Variants in NR5A2 observed in about 807,000 individuals in gnomAD.
NR5A2 encodes CYP7A promoter-binding factor.
Under a neutral mutation model 62.7 loss-of-function variants are expected in NR5A2, and 26 were observed. The ratio of observed to expected loss-of-function variants is 0.41; its 90% CI spans 0.30 to 0.58. The LOEUF (loss-of-function observed/expected upper bound fraction) is 0.58. NR5A2 is among the 20% of genes least tolerant of loss of function. The pLI, the probability that NR5A2 is intolerant of heterozygous loss-of-function variation, is 0.22. For missense variants in NR5A2, 541 were observed against 669.1 expected (o/e 0.81, Z 2.11); for synonymous variants, 246 against 241.7 (o/e 1.02, Z -0.16).
chr1:200,147,735 G>A lies in NR5A2; in HGVS notation c.1379-26228G>A. 1.0e-5 allele frequency: 6 copies of A among 585,554 alleles called. No individual in the cohort carries two copies. The highest frequency in any genetic ancestry group is 7.5e-5 in the Admixed American group (3 of 39,848). The allele number at this position is 585,554 out of a possible 1,614,324, so 36.3% of individuals were successfully genotyped here. A position where few individuals can be genotyped will look rare whatever the true frequency, so the allele number is the denominator to read the frequency against. On this transcript the variant is annotated intron_variant, in intron 7 of 7. Transcript: ENST00000367362. The surrounding 1 kb of genome is among the most constrained non-coding windows in gnomAD (Gnocchi z 4.9). ...GCTCCTCCCTGAGCGCCTCTCCCAC[G>A]TCCACGGTGAAGACGCGGATGCCGG...
intron 7 of NR5A2, chr1:200,148,325 A>T (rs72740851): frequency 0.13 from 22,665 of 173,122 alleles, 1,714 homozygotes; most frequent in African/African-American, 0.19. Flanking sequence ...CATTTAGGCC[A>T]AGAAAGACGC....
intron 5 of NR5A2, among the ~76,000 whole-genome samples, chr1:200,101,156 A>C (rs1665347008): frequency 6.6e-6 from 1 of 152,188 alleles, no homozygotes; most frequent in Non-Finnish European, 1.5e-5. Flanking sequence ...ACAGAGTGTA[A>C]TACTTTGTAT....
chr1:200,043,044 CTG>C, intron 2 of NR5A2: 1 of 970,532 alleles, frequency 1.0e-6, no homozygotes. Context: ...CAAAACCCTT[CTG>C]TGTGTCTTTT....
intron 7 of NR5A2, among the ~76,000 whole-genome samples, chr1:200,163,811 A>G (rs575794482): frequency 6.6e-6 from 1 of 152,252 alleles, no homozygotes; most frequent in East Asian, 1.9e-4. Context: ...AAATGTATGC[A>G]TAATGTAAGG....
At chr1:200,038,824 G>GAGGGGGTGAGGCGGGGTGA in intron 1 of NR5A2, 1 of 1,193,320 alleles carries the variant, frequency 8.4e-7, no homozygotes, top group Admixed American at 2.5e-5. Flanking sequence ...GGTGGGGTGG[G>GAGGGGGTGAGGCGGGGTGA]AGGGGGTGAG....
At chr1:200,119,716 TC>T (rs1357796972) in intron 6 of NR5A2, among the ~76,000 whole-genome samples, 4 of 152,114 alleles carry the variant, frequency 2.6e-5, no homozygotes, top group Non-Finnish European at 5.9e-5. Flanking sequence ...AACCTCCGCC[TC>T]CCAGGTTCAA....
At chr1:200,084,851 A>T (rs1320316019) in intron 5 of NR5A2, among the ~76,000 whole-genome samples, 1 of 152,228 alleles carries the variant, frequency 6.6e-6, no homozygotes, top group East Asian at 1.9e-4. Context: ...AAACAAATAC[A>T]TTTATCAAAG....
At chr1:200,028,168 A>G (rs919095681) in intron 1 of NR5A2, among the ~76,000 whole-genome samples, 3 of 152,206 alleles carry the variant, frequency 2.0e-5, no homozygotes, top group African/African-American at 7.2e-5. Flanking sequence ...CTAATCAGCC[A>G]GAAAATATAA....
At chr1:200,163,257 G>A (rs1395742802) in intron 7 of NR5A2, among the ~76,000 whole-genome samples, 1 of 127,812 alleles carries the variant, frequency 7.8e-6, no homozygotes. Flanking sequence ...ATAGCAGCAT[G>A]TCAAAGGCAA....
chr1:200,106,061 C>CCTCTGTTTTTTTT (rs373033375), intron 5 of NR5A2, among the ~76,000 whole-genome samples: 1 of 115,058 alleles, frequency 8.7e-6, no homozygotes. Flanking sequence ...CAGATTCACT[C>CCTCTGTTTTTTTT]TTCTTTTTTT....
At chr1:200,140,579 G>C (rs1240996423) in intron 7 of NR5A2, among the ~76,000 whole-genome samples, 1 of 152,020 alleles carries the variant, frequency 6.6e-6, no homozygotes, top group Non-Finnish European at 1.5e-5. Context: ...ATTTTATTTG[G>C]CTTTTCTTTA....
At chr1:200,168,743 T>C (rs1267354939) in intron 7 of NR5A2, among the ~76,000 whole-genome samples, 2 of 152,214 alleles carry the variant, frequency 1.3e-5, no homozygotes, top group East Asian at 3.8e-4. Flanking sequence ...AGCCCTGATT[T>C]CTTTTTAAAA....
intron 7 of NR5A2, among the ~76,000 whole-genome samples, chr1:200,143,477 G>T (rs1229393196): frequency 6.6e-6 from 1 of 151,156 alleles, no homozygotes; most frequent in East Asian, 1.9e-4. Flanking sequence ...TTTACAAAAG[G>T]AGTGGAAGTT....
chr1:200,060,498 G>C (rs1001930257), intron 5 of NR5A2, among the ~76,000 whole-genome samples: 3 of 152,192 alleles, frequency 2.0e-5, no homozygotes, highest in Non-Finnish European at 4.4e-5. Flanking sequence ...GTATGGGCAG[G>C]AGAGGTTACT....
intron 5 of NR5A2, among the ~76,000 whole-genome samples, chr1:200,061,856 A>G (rs1265689746): frequency 3.3e-5 from 5 of 152,212 alleles, no homozygotes; most frequent in Admixed American, 3.3e-4. Flanking sequence ...TGACTGTCAC[A>G]TGTCTAAATG....
intron 7 of NR5A2, among the ~76,000 whole-genome samples, chr1:200,123,641 A>C (rs1666571730): frequency 6.6e-6 from 1 of 152,202 alleles, no homozygotes. Context: ...GATGCGGTGA[A>C]TAACTTAAGT....
At chr1:200,104,914 C>T (rs986084610) in intron 5 of NR5A2, among the ~76,000 whole-genome samples, 12 of 152,152 alleles carry the variant, frequency 7.9e-5, no homozygotes, top group African/African-American at 2.4e-4. Context: ...CTGCCTGCCT[C>T]GGCCTCCCAA....
At chr1:200,046,353 T>G (rs945302216) in intron 4 of NR5A2, among the ~76,000 whole-genome samples, 1 of 152,222 alleles carries the variant, frequency 6.6e-6, no homozygotes, top group Non-Finnish European at 1.5e-5. Flanking sequence ...GTTCATGGAC[T>G]ACTATGGTAT....
chr1:200,066,283 A>T (rs1663462903), intron 5 of NR5A2, among the ~76,000 whole-genome samples: 1 of 152,138 alleles, frequency 6.6e-6, no homozygotes, highest in African/African-American at 2.4e-5. Context: ...TTGAGAGAAG[A>T]TGAGGCAGGC....
Sources: gnomAD v4.1 joint callset for allele counts (sites outside exome capture counted in the v4.1 genomes callset) on GRCh38, gnomAD v4.1.1 for gene constraint, Gnocchi (gnomAD v3.1) non-coding constraint, MANE v1.5 for transcripts, NCBI Gene and HGNC (gene_info 2026-07-23, HGNC 2026-07-21) for gene names.